Variants in FAM209B observed in about 807,000 individuals in gnomAD.
FAM209B encodes the protein family with sequence similarity 209 member B.
Under a neutral mutation model 8.9 loss-of-function variants are expected in FAM209B, and 8 were observed. That is an observed-to-expected ratio of 0.90 (90% CI 0.53 to 1.62). FAM209B has a LOEUF of 1.62. Among genes scored for constraint, FAM209B ranks in the 40% most tolerant of loss-of-function variants. The probability of loss-of-function intolerance (pLI) is 0.00; values close to 1 mark genes in which losing one functional copy is unlikely to be tolerated. For synonymous variants in FAM209B, 67 were observed against 75.0 expected (o/e 0.89, Z 0.55); for missense variants, 175 against 205.3 (o/e 0.85, Z 0.90).
intron 1 of FAM209B, among the ~76,000 whole-genome samples, chr20:56,535,599 AAAG>A (rs1405105886): frequency 6.6e-6 from 1 of 152,108 alleles, no homozygotes; most frequent in Non-Finnish European, 1.5e-5. Flanking sequence ...TCACAAAAAA[AAAG>A]AATTGCTTGA....
intron 1 of FAM209B, among the ~76,000 whole-genome samples, chr20:56,534,640 C>T (rs1985900997): frequency 6.9e-6 from 1 of 145,320 alleles, no homozygotes; most frequent in Non-Finnish European, 1.5e-5. Context: ...CCCAGCTACT[C>T]GGGAGGCTGA....
At chr20:56,535,445 G>A (rs1985942231) in intron 1 of FAM209B, among the ~76,000 whole-genome samples, 1 of 150,824 alleles carries the variant, frequency 6.6e-6, no homozygotes, top group Non-Finnish European at 1.5e-5. Flanking sequence ...ACAAAAATTA[G>A]CCGGGCATGA....
chr20:56,533,673 C>G (rs929377042), intron 1 of FAM209B, 83 bp downstream of exon 1: 1 of 1,570,128 alleles, frequency 6.4e-7, no homozygotes, highest in East Asian at 2.2e-5. Context: ...TGAGTCTAGG[C>G]GGCACCGTTG....
intron 1 of FAM209B, among the ~76,000 whole-genome samples, chr20:56,535,969 T>C (rs1985958266): frequency 2.0e-5 from 3 of 152,186 alleles, no homozygotes; most frequent in South Asian, 4.1e-4. Flanking sequence ...TTAAACAATA[T>C]AGAAATGAGT....
intron 1 of FAM209B, among the ~76,000 whole-genome samples, chr20:56,535,689 CA>C (rs1257050594): frequency 6.6e-6 from 1 of 151,688 alleles, no homozygotes; most frequent in Non-Finnish European, 1.5e-5. Flanking sequence ...CTCAAAAAAA[CA>C]AACAAAAAAA....
At chr20:56,534,491 C>T (rs1985894877) in intron 1 of FAM209B, among the ~76,000 whole-genome samples, 1 of 151,948 alleles carries the variant, frequency 6.6e-6, no homozygotes, top group African/African-American at 2.4e-5. Context: ...TGGCTCACCC[C>T]TGTAATCCTA....
intron 1 of FAM209B, among the ~76,000 whole-genome samples, chr20:56,535,912 G>A (rs1330994928): frequency 1.3e-5 from 2 of 152,188 alleles, no homozygotes; most frequent in Non-Finnish European, 2.9e-5. Flanking sequence ...GGGCAGTACG[G>A]TCTTCCTTGC....
chr20:56,533,416 G>C lies in FAM209B; in HGVS notation c.75G>C (p.Leu25=). The change falls in exon 1 of 2, where the codon CTG becomes CTC. Residue 25 remains leucine, a synonymous_variant. Transcript: ENST00000371325. ...GCTATGCCTTTATGTTCTCTTCTCT[G>C]AGACAGAAAACTAGCGAACCCCAGG... ...TCSYAFMFSS[L]RQKTSEPQGK... 2 of 1,614,084 alleles carry C rather than the reference G, an allele frequency of 1.2e-6. No homozygotes were observed. Among genetic ancestry groups the C allele is most frequent in the Non-Finnish European group, 1.7e-6 (2 of 1,179,978 alleles).
chr20:56,533,486 C>T lies in FAM209B; in HGVS notation c.145C>T (p.Pro49Ser). 1.2e-6 allele frequency: 2 copies of T among 1,614,194 alleles called. No individual in the cohort carries two copies. Among genetic ancestry groups the T allele is most frequent in the Non-Finnish European group, 8.5e-7 (1 of 1,180,036 alleles). The change falls in exon 1 of 2, where the codon CCA (proline) becomes TCA (serine). Residue 49 changes from proline to serine, a missense_variant. Pro to Ser is a moderately conservative substitution (Grantham distance 74). Coordinates refer to ENST00000371325, the MANE Select transcript of FAM209B (RefSeq NM_001013646.4). ...GEHFRIRQNL[P>S]EHTQGWLGSK... ...GCACTTTCGGATTCGGCAGAACCTA[C>T]CAGAGCACACCCAAGGCTGGCTTGG...
At chr20:56,535,244 TATG>T (rs1192045229) in intron 1 of FAM209B, among the ~76,000 whole-genome samples, 1 of 144,478 alleles carries the variant, frequency 6.9e-6, no homozygotes, top group Non-Finnish European at 1.5e-5. Flanking sequence ...AATTAGCTGG[TATG>T]GTGGTGGGCA....
At chr20:56,534,996 C>T (rs1985920521) in intron 1 of FAM209B, among the ~76,000 whole-genome samples, 2 of 151,316 alleles carry the variant, frequency 1.3e-5, no homozygotes, top group Admixed American at 6.6e-5. Context: ...TTGCAGTGAG[C>T]CGAAACTGCG....
In FAM209B at chr20:56,536,193, C is replaced by T. The variant is rs200395408; in HGVS notation, c.271C>T (p.Arg91Ter). The T allele has an allele frequency of 2.8e-5, 44 of 1,557,834 alleles. No individual in the cohort carries two copies. In the African/African-American group the frequency reaches 3.2e-4, roughly 11 times the overall value. ...ACAGGAGCAGAGTCCTCCTGGCCTT[C>T]GAGGCTTCCCATTTCGCACTCCACT... The part of the protein sequence containing the change: ...KNKEQSPPGL[R>*]GFPFRTPLKK... Residue 91 changes from arginine (R) to a stop codon, truncating the protein, a stop_gained, in exon 2 of 2, where the codon CGA (arginine) becomes TGA (stop). Coordinates refer to ENST00000371325, the MANE Select transcript of FAM209B (RefSeq NM_001013646.4). LOFTEE classifies it low-confidence loss of function (END_TRUNC).
intron 1 of FAM209B, 100 bp downstream of exon 1, chr20:56,533,690 A>G: frequency 6.6e-7 from 1 of 1,519,866 alleles, no homozygotes; most frequent in Admixed American, 1.8e-5. Flanking sequence ...GTTGGGTATA[A>G]TGAACCGACC....
In FAM209B at chr20:56,533,528, C is replaced by T. The variant is rs1014907226; in HGVS notation, c.187C>T (p.Leu63Phe). Reference protein sequence around the residue: ...QGWLGSKWLWLLFAVVPFVIL... With the variant: ...QGWLGSKWLWFLFAVVPFVIL... ...CTGGCTTGGGAGCAAATGGCTCTGG[C>T]TTTTGTTTGCTGTTGTGCCGTTTGT... The change falls in exon 1 of 2, where the codon CTT (leucine) becomes TTT (phenylalanine). Residue 63 changes from leucine (L) to phenylalanine (F), a missense_variant. By Grantham distance (22) the Leu-to-Phe change is conservative (BLOSUM62 0). This residue lies in a region of FAM209B where 166 missense variants were observed against 174.5 expected (regional missense o/e 0.95). Coordinates refer to ENST00000371325, the MANE Select transcript of FAM209B (RefSeq NM_001013646.4). 1.2e-6 allele frequency: 2 copies of T among 1,614,054 alleles called. No homozygotes were observed. Among genetic ancestry groups the T allele is most frequent in the African/African-American group, 2.7e-5 (2 of 74,922 alleles).
In FAM209B at chr20:56,536,396, T is replaced by C. The variant is rs372657746; in HGVS notation, c.474T>C (p.His158=). The change falls in exon 2 of 2, where the codon CAT becomes CAC. Residue 158 remains histidine (H), a synonymous_variant. Coordinates refer to ENST00000371325, the MANE Select transcript of FAM209B (RefSeq NM_001013646.4). ...CAGAGATGCCTGCAGATCCATACCA[T>C]GTCACAATCTGTAAAATATGGGGAG... ...RRSEMPADPY[H]VTICKIWGEE... is the part of the protein sequence containing the mutation. 4 of 1,610,056 alleles carry C rather than the reference T, an allele frequency of 2.5e-6. No individual in the cohort carries two copies. The African/African-American group carries it at 4.0e-5, about 16-fold the overall frequency.
Position 56,533,305 on chromosome 20 carries a change from C to G in FAM209B, c.-37C>G. 6.2e-7 allele frequency: 1 copy of G among 1,608,126 alleles called. No individual in the cohort carries two copies. Among genetic ancestry groups the G allele is most frequent in the Non-Finnish European group, 8.5e-7 (1 of 1,175,524 alleles). ...CTTCCAGTTGCGAGGGCAAGCAAAC[C>G]CGTCATGAGCAACTCCCTTCCCCAT... On this transcript the variant is annotated 5_prime_UTR_variant, in exon 1 of 2. Coordinates refer to ENST00000371325, the MANE Select transcript of FAM209B (RefSeq NM_001013646.4).
intron 1 of FAM209B, among the ~76,000 whole-genome samples, chr20:56,533,984 C>T (rs527656845): frequency 6.6e-6 from 1 of 152,046 alleles, no homozygotes; most frequent in Admixed American, 6.6e-5. Flanking sequence ...GGTGAAACCC[C>T]ATCTCTACTA....
intron 1 of FAM209B, 43 bp from the exon 2 acceptor site, chr20:56,536,129 C>G (rs749405712): frequency 4.8e-6 from 7 of 1,473,152 alleles, no homozygotes; most frequent in African/African-American, 1.4e-5. Flanking sequence ...TCAAAACCAG[C>G]AAAGTCCATG....
In FAM209B at chr20:56,533,498, C is replaced by G. The variant is rs1303207076; in HGVS notation, c.157C>G (p.Gln53Glu). The change falls in exon 1 of 2, where the codon CAA becomes GAA. Residue 53 changes from glutamine (Q) to glutamate (E), a missense_variant. Physicochemically the swap from Gln to Glu is conservative, Grantham distance 29 (BLOSUM62 2). Around this residue, in one of 2 missense-constraint regions of FAM209B, gnomAD observed 166 missense variants for 174.5 expected, o/e 0.95. Transcript: ENST00000371325. ...TCGGCAGAACCTACCAGAGCACACC[C>G]AAGGCTGGCTTGGGAGCAAATGGCT... is the stretch of plus-strand genomic sequence containing the variant. ...RIRQNLPEHT[Q>E]GWLGSKWLWL... The G allele has an allele frequency of 5.0e-6, 8 of 1,614,174 alleles. No homozygotes were observed. The highest frequency in any genetic ancestry group is 6.8e-6 in the Non-Finnish European group (8 of 1,180,024).
Sources: gnomAD v4.1 joint callset for allele counts (sites outside exome capture counted in the v4.1 genomes callset) on GRCh38, gnomAD v4.1.1 for gene constraint, gnomAD v4.1.1 regional missense constraint, MANE v1.5 for transcripts, NCBI Gene and HGNC (gene_info 2026-07-23, HGNC 2026-07-21) for gene names.